Variants in ZCCHC9 observed in about 807,000 individuals in gnomAD.
ZCCHC9 encodes zinc finger CCHC domain-containing protein 9.
In ZCCHC9, 18 loss-of-function variants were observed where a neutral mutation model predicts 30.8. The observed-to-expected ratio is 0.58, with a 90% CI of 0.40 to 0.87. The LOEUF (loss-of-function observed/expected upper bound fraction) is 0.87, where lower values mean the gene tolerates loss of function less well. Ranked by LOEUF, ZCCHC9 falls within the 40% of genes least tolerant of loss-of-function variation. The probability of loss-of-function intolerance (pLI) is 0.00; values close to 1 mark genes in which losing one functional copy is unlikely to be tolerated. For missense variants in ZCCHC9, 279 were observed against 331.2 expected (o/e 0.84, Z 1.22); for synonymous variants, 94 against 106.7 (o/e 0.88, Z 0.73).
In ZCCHC9 at chr5:81,309,035, G is replaced by A. The variant is rs148607166; in HGVS notation, c.625G>A (p.Asp209Asn). Residue 209 changes from aspartate (D) to asparagine (N), a missense_variant, in exon 4 of 6, where the codon GAT becomes AAT. Transcript: ENST00000407610. ...TGATAATCCCAAAGGACTCTATGCT[G>A]ATGGTAAGTACTGTTACCCTCATAT... ...CPDNPKGLYA[D>N]GGGCKLCGSV... The A allele has an allele frequency of 2.5e-6, 4 of 1,609,212 alleles. No homozygotes were observed. Among genetic ancestry groups the A allele is most frequent in the Non-Finnish European group, 3.4e-6 (4 of 1,177,840 alleles).
At chr5:81,302,652 C>T (rs1459396567) in intron 1 of ZCCHC9, 4 of 152,178 alleles carry the variant, frequency 2.6e-5, no homozygotes, top group Admixed American at 6.5e-5. Context: ...AGTCTACAGA[C>T]CTGTACAGTA....
At chr5:81,306,461 CATTTT>C (rs1012452804) in intron 2 of ZCCHC9, among the ~76,000 whole-genome samples, 6 of 152,056 alleles carry the variant, frequency 3.9e-5, no homozygotes, top group Non-Finnish European at 7.4e-5. Flanking sequence ...TATTTTAAGT[CATTTT>C]AGTTTAGTTG....
chr5:81,311,650 TG>T (rs1449748037), intron 5 of ZCCHC9, among the ~76,000 whole-genome samples: 3 of 152,200 alleles, frequency 2.0e-5, no homozygotes, highest in Non-Finnish European at 2.9e-5. Context: ...TAATATTGAG[TG>T]TCCTTATGTA....
chr5:81,304,568 T>C, intron 1 of ZCCHC9, 173 bp from the exon 2 acceptor site: 5 of 497,780 alleles, frequency 1.0e-5, no homozygotes, highest in Non-Finnish European at 1.7e-5. Context: ...CTATGCAGCA[T>C]ATTATAGCAT....
In ZCCHC9 at chr5:81,311,276, T is replaced by A; in HGVS notation, c.694T>A (p.Ser232Thr). The A allele has an allele frequency of 6.2e-7, 1 of 1,614,050 alleles. No individual in the cohort carries two copies. Among genetic ancestry groups the A allele is most frequent in the Non-Finnish European group, 8.5e-7 (1 of 1,179,920 alleles). The change falls in exon 5 of 6, where the codon TCA becomes ACA. Residue 232 changes from serine to threonine, a missense_variant. Physicochemically the swap from Ser to Thr is moderately conservative, Grantham distance 58. Coordinates refer to ENST00000407610, the MANE Select transcript of ZCCHC9 (RefSeq NM_001131035.2). ...GAAAGATTGCCCTGAAAGTCAGAAT[T>A]CAGGTGAGATCTCTGGGCCTCTACT... ...LKKDCPESQN[S>T]ERMVTVGRWA...
intron 2 of ZCCHC9, among the ~76,000 whole-genome samples, chr5:81,306,835 C>T (rs1377520560): frequency 6.6e-6 from 1 of 152,142 alleles, no homozygotes; most frequent in Non-Finnish European, 1.5e-5. Flanking sequence ...GTAGTCTCAG[C>T]TTAGTAGAGA....
chr5:81,312,453 A>G, intron 5 of ZCCHC9, 91 bp from the exon 6 acceptor site: 3 of 974,866 alleles, frequency 3.1e-6, no homozygotes, highest in Non-Finnish European at 3.1e-6. Context: ...ATTCATATCA[A>G]AATGAGTTCC....
At chr5:81,306,390 G>A (rs920718075) in intron 2 of ZCCHC9, among the ~76,000 whole-genome samples, 3 of 152,172 alleles carry the variant, frequency 2.0e-5, no homozygotes, top group African/African-American at 7.2e-5. Context: ...AATTTGAATA[G>A]AAAGGATAAC....
intron 2 of ZCCHC9, 102 bp from the exon 3 acceptor site, chr5:81,308,459 T>C (rs1403952531): frequency 8.8e-6 from 12 of 1,358,094 alleles, no homozygotes; most frequent in Admixed American, 5.6e-5. Flanking sequence ...GAAAAATAGC[T>C]TAATAAGATG....
intron 3 of ZCCHC9, 96 bp downstream of exon 3, chr5:81,308,807 A>G: frequency 6.7e-7 from 1 of 1,482,306 alleles, no homozygotes; most frequent in Non-Finnish European, 9.0e-7. Flanking sequence ...CGAGTGTGCC[A>G]CTTAGTATTT....
At chr5:81,308,876 TTAAAA>T in intron 3 of ZCCHC9, 65 bp from the exon 4 acceptor site, 1 of 1,446,284 alleles carries the variant, frequency 6.9e-7, no homozygotes, top group Non-Finnish European at 9.4e-7. Context: ...TCAGAGTATT[TTAAAA>T]TAATGTTAAT....
chr5:81,310,157 TAAAAAA>T (rs71000814), intron 4 of ZCCHC9, among the ~76,000 whole-genome samples: 4 of 104,772 alleles, frequency 3.8e-5, no homozygotes, highest in African/African-American at 1.6e-4. Context: ...TGACTAGCTG[TAAAAAA>T]AAAAAAAAAA....
In ZCCHC9 at chr5:81,310,683, G is replaced by A. The variant is rs1479715412; in HGVS notation, c.629-528G>A. On this transcript the variant is annotated intron_variant, in intron 4 of 5. Transcript: ENST00000407610. ...AAGTAGGCAGGTGGGCATTTTTATA[G>A]GGTTAGGGTGCCTGGCCAGTGGAAG... Among the ~76,000 whole-genome samples the A allele has an allele frequency of 2.0e-5, 3 of 152,176 alleles. No individual in the cohort carries two copies. In the East Asian group the frequency reaches 5.8e-4, roughly 29 times the overall value.
chr5:81,308,519 G>A (rs527821910), intron 2 of ZCCHC9, 42 bp from the exon 3 acceptor site: 4 of 1,551,924 alleles, frequency 2.6e-6, no homozygotes, highest in South Asian at 1.2e-5. Context: ...AAAGTCACTG[G>A]TATAGTTTTG....
rs1206386760 is a variant in ZCCHC9, at chr5:81,301,591, T to A, written c.-125T>A. 4 of 152,300 alleles carry A rather than the reference T, an allele frequency of 2.6e-5. No homozygotes were observed. Among genetic ancestry groups the A allele is most frequent in the African/African-American group, 7.2e-5 (3 of 41,474 alleles). 9.4% of individuals were successfully genotyped at this position (152,300 alleles called of 1,614,324 possible). A position where few individuals can be genotyped will look rare whatever the true frequency, so the allele number is the denominator to read the frequency against. On this transcript the variant is annotated 5_prime_UTR_variant, in exon 1 of 6. The change abolishes an upstream ATG in the 5' untranslated region. Coordinates refer to ENST00000407610, the MANE Select transcript of ZCCHC9 (RefSeq NM_001131035.2). ...GGAAGTGACGCGCTCTCGGGCACTATGTGCTTCCGGTCTCCAATACCGCAG... is the reference window on the plus strand; with the variant it reads ...GGAAGTGACGCGCTCTCGGGCACTAAGTGCTTCCGGTCTCCAATACCGCAG...
intron 2 of ZCCHC9, among the ~76,000 whole-genome samples, chr5:81,308,089 G>A (rs1243668841): frequency 1.4e-5 from 2 of 140,138 alleles, no homozygotes; most frequent in Non-Finnish European, 3.0e-5. Context: ...GAATGGAAAT[G>A]TCTGACCCAA....
rs372033529 is a variant in ZCCHC9, at chr5:81,308,545, C to T, written c.385-16C>T. 59 of 1,600,584 alleles carry T rather than the reference C, an allele frequency of 3.7e-5. No homozygotes were observed. Among genetic ancestry groups the T allele is most frequent in the Non-Finnish European group, 4.6e-5 (54 of 1,175,082 alleles). On this transcript the variant is annotated splice_polypyrimidine_tract_variant and intron_variant, in intron 2 of 5. Transcript: ENST00000407610. ...TATAGTTTTGCAGCGTGCCAACCTA[C>T]GTTTTGTTTTCCTAGGTGTGTTTCC...
intron 2 of ZCCHC9, among the ~76,000 whole-genome samples, chr5:81,307,090 CCTGTGCTTATTTTG>C (rs1758099379): frequency 1.3e-5 from 2 of 151,986 alleles, no homozygotes; most frequent in African/African-American, 4.8e-5. Context: ...TTTAAAAAAA[CCTGTGCTTATTTTG>C]AAAAAACATA....
At chr5:81,302,719 A>G (rs1369002060) in intron 1 of ZCCHC9, 1 of 152,196 alleles carries the variant, frequency 6.6e-6, no homozygotes, top group African/African-American at 2.4e-5. Flanking sequence ...AAACACAGAA[A>G]AGATACTGTA....
Sources: allele counts gnomAD v4.1 joint callset (sites outside exome capture counted in the v4.1 genomes callset), GRCh38; gene constraint gnomAD v4.1.1; transcripts MANE v1.5; gene names NCBI Gene and HGNC (gene_info 2026-07-23, HGNC 2026-07-21).